The following UBR2 variants were observed in gnomAD, a reference collection of about 807,000 sequenced individuals.
UBR2 encodes E3 ubiquitin-protein ligase UBR2.
A neutral mutation model predicts 247.9 loss-of-function variants in UBR2; 92 were observed. That is an observed-to-expected ratio of 0.37 (90% confidence interval 0.31 to 0.44). The LOEUF is 0.44. UBR2 is among the 20% of genes least tolerant of loss of function. The pLI is 1.00. For synonymous variants in UBR2, 672 were observed against 693.5 expected, an observed-to-expected ratio of 0.97 and a Z score of 0.49; for missense variants, 1,613 against 2,112.6, an observed-to-expected ratio of 0.76 and a Z score of 4.64.
chr6:42,615,839 G>A (rs530652324), intron 9 of UBR2, among the ~76,000 whole-genome samples, 163 bp from the exon 10 acceptor site: 9 of 151,264 alleles, frequency 5.9e-5, no homozygotes, highest in African/African-American at 1.9e-4. Flanking sequence ...CAGGAGGATC[G>A]CGTGAGCCCA....
At chr6:42,687,207 G>A (rs907397133) in intron 44 of UBR2, among the ~76,000 whole-genome samples, 6 of 152,258 alleles carry the variant, frequency 3.9e-5, no homozygotes, top group Non-Finnish European at 7.3e-5. Flanking sequence ...TGAGCACTGA[G>A]TGAGCAAGAC....
At chr6:42,657,334 C>T (rs1797501797) in intron 26 of UBR2, among the ~76,000 whole-genome samples, 1 of 151,874 alleles carries the variant, frequency 6.6e-6, no homozygotes, top group Non-Finnish European at 1.5e-5. Context: ...TGTCTTTAGA[C>T]ATTCTACATA....
intron 4 of UBR2, among the ~76,000 whole-genome samples, chr6:42,602,761 CGTGT>C (rs35409984): frequency 1.2e-3 from 168 of 145,554 alleles, no homozygotes; most frequent in African/African-American, 4.2e-3. Flanking sequence ...GCTGTGTGTG[CGTGT>C]GTGTGTGTGT....
chr6:42,582,343 C>T (rs1425621956), intron 2 of UBR2, among the ~76,000 whole-genome samples: 1 of 150,184 alleles, frequency 6.7e-6, no homozygotes, highest in Non-Finnish European at 1.5e-5. Context: ...ATTAAGACAC[C>T]ATAAGATAGG....
intron 2 of UBR2, among the ~76,000 whole-genome samples, chr6:42,583,950 A>G (rs978254491): frequency 6.6e-6 from 1 of 150,640 alleles, no homozygotes; most frequent in Non-Finnish European, 1.5e-5. Context: ...TGACATACAG[A>G]TATTTAGTTG....
At chr6:42,595,941 T>C (rs151025213) in intron 4 of UBR2, among the ~76,000 whole-genome samples, 1 of 151,890 alleles carries the variant, frequency 6.6e-6, no homozygotes, top group African/African-American at 2.4e-5. Flanking sequence ...TCCACTTCTA[T>C]TGGAGAAGCT....
chr6:42,578,148 T>G (rs567253431), intron 2 of UBR2, among the ~76,000 whole-genome samples: 164 of 152,338 alleles, frequency 1.1e-3, no homozygotes, highest in South Asian at 9.9e-3. Flanking sequence ...AAAGACTTTA[T>G]GTACCAAGAT....
At chr6:42,618,521 G>C (rs1262183725) in intron 11 of UBR2, among the ~76,000 whole-genome samples, 1 of 152,146 alleles carries the variant, frequency 6.6e-6, no homozygotes, top group Non-Finnish European at 1.5e-5. Context: ...ACTGGAGTCT[G>C]TTTACCCATT....
At position 42,659,561 on chromosome 6, in the gene UBR2, ACT is replaced by A; in HGVS notation, c.3243-94_3243-93del. The A allele has an allele frequency of 4.7e-5, 34 of 724,608 alleles. No individual in the cohort carries two copies. Among genetic ancestry groups the A allele is most frequent in the Non-Finnish European group, 6.6e-5 (30 of 451,714 alleles). The allele number at this position is 724,608 out of a possible 1,614,324, so 44.9% of individuals were successfully genotyped here. A position where few individuals can be genotyped will look rare whatever the true frequency, so the allele number is the denominator to read the frequency against. On this transcript the variant is annotated intron_variant, in intron 29 of 46. Transcript: ENST00000372901. This position sits in a 1 kb window ranked among gnomAD's most constrained non-coding sequence, Gnocchi z 4.3. ...CACACACACACACACACACACACAC[ACT>A]ACACACACACACACATACCTGTAGT...
chr6:42,614,374 G>A (rs1214096913), intron 8 of UBR2, among the ~76,000 whole-genome samples: 20 of 10,112 alleles, frequency 2.0e-3, no homozygotes, highest in Non-Finnish European at 2.6e-3. Context: ...GTGTGTATGT[G>A]TGTATATATG....
intron 2 of UBR2, among the ~76,000 whole-genome samples, chr6:42,591,441 T>G (rs867838012): frequency 2.6e-5 from 4 of 152,300 alleles, no homozygotes; most frequent in Non-Finnish European, 5.9e-5. Flanking sequence ...TCTCTTAAGA[T>G]ATGATCTATA....
chr6:42,628,074 G>T (rs1301151928), intron 11 of UBR2, among the ~76,000 whole-genome samples: 1 of 152,112 alleles, frequency 6.6e-6, no homozygotes, highest in African/African-American at 2.4e-5. Flanking sequence ...TGAGGGAAAA[G>T]CAGCTGCAGA....
At chr6:42,652,467 CAAT>C in intron 24 of UBR2, 21 bp from the exon 25 acceptor site, 2 of 1,575,822 alleles carry the variant, frequency 1.3e-6, no homozygotes, top group East Asian at 2.3e-5. Context: ...TAAAAGAAAC[CAAT>C]AATAACAACT....
At chr6:42,684,691 A>T (rs1447572506) in intron 43 of UBR2, 103 bp from the exon 44 acceptor site, 9 of 685,602 alleles carry the variant, frequency 1.3e-5, no homozygotes, top group Non-Finnish European at 1.9e-5. Flanking sequence ...GAAAGGCCAT[A>T]CCATGTTACC....
intron 11 of UBR2, among the ~76,000 whole-genome samples, chr6:42,617,795 G>A (rs1794657447): frequency 6.6e-6 from 1 of 152,132 alleles, no homozygotes; most frequent in South Asian, 2.1e-4. Flanking sequence ...GAACTGATTA[G>A]TTCACATTAA....
chr6:42,676,859 C>A lies in UBR2; in HGVS notation c.4464C>A (p.His1488Gln). 6.2e-7 allele frequency: 1 copy of A among 1,613,426 alleles called. No homozygotes were observed. The highest frequency in any genetic ancestry group is 2.2e-5 in the East Asian group (1 of 44,824). The change falls in exon 40 of 47, where the codon CAC becomes CAA. Residue 1488 changes from histidine (H) to glutamine (Q), a missense_variant. Coordinates refer to ENST00000372901, the MANE Select transcript of UBR2 (RefSeq NM_001363705.2). ...TTCTTGCTTTGTATAAAACACTTCA[C>A]CAGTATACGGGAAGGTGAGTTAGTT... is the stretch of plus-strand genomic sequence containing the variant. ...SAVLALYKTL[H>Q]QYTGSALKEI...
chr6:42,632,514 T>G (rs562802073), intron 11 of UBR2, 38 bp from the exon 12 acceptor site: 7 of 1,530,852 alleles, frequency 4.6e-6, no homozygotes, highest in Middle Eastern at 4.3e-4. Flanking sequence ...AGTACATAGT[T>G]TTTGATTACC....
At chr6:42,680,905 G>A (rs984722303) in intron 42 of UBR2, among the ~76,000 whole-genome samples, 3 of 151,990 alleles carry the variant, frequency 2.0e-5, no homozygotes, top group African/African-American at 7.3e-5. Context: ...GCTCACGCCT[G>A]TAATCCGCAG....
intron 7 of UBR2, among the ~76,000 whole-genome samples, chr6:42,611,432 G>A (rs1405628159): frequency 6.9e-6 from 1 of 145,894 alleles, no homozygotes; most frequent in African/African-American, 2.6e-5. Flanking sequence ...CTGCACTCCA[G>A]CCTGGTGACA....
Sources: gnomAD v4.1 joint callset for allele counts (sites outside exome capture counted in the v4.1 genomes callset) on GRCh38, gnomAD v4.1.1 for gene constraint, Gnocchi (gnomAD v3.1) non-coding constraint, MANE v1.5 for transcripts, NCBI Gene and HGNC (gene_info 2026-07-23, HGNC 2026-07-21) for gene names.